Variants in TENM2 observed in about 807,000 individuals in gnomAD.
The protein encoded by TENM2 is teneurin transmembrane protein 2.
A neutral mutation model predicts 245.2 loss-of-function variants in TENM2; 52 were observed. The observed-to-expected ratio is 0.21, with a 90% CI of 0.17 to 0.27. TENM2 has a LOEUF of 0.27. Among genes scored for constraint, TENM2 ranks in the 10% least tolerant of loss-of-function variants. The pLI is 1.00. For synonymous variants in TENM2, 1,363 were observed against 1,438.9 expected, an observed-to-expected ratio of 0.95 and a Z score of 1.19; for missense variants, 3,046 against 3,666.8, an observed-to-expected ratio of 0.83 and a Z score of 4.37.
the TENM2 span, among the ~76,000 whole-genome samples, chr5:167,041,326 A>G: frequency 6.6e-6 from 1 of 152,202 alleles, no homozygotes. Flanking sequence ...AATTTACGCA[A>G]CCAGCACTAA....
At chr5:167,257,609 AG>A in the TENM2 span, among the ~76,000 whole-genome samples, 1,502 of 152,008 alleles carry the variant, frequency 9.9e-3, 20 homozygotes, top group African/African-American at 0.034. Flanking sequence ...AAAAAAAAAA[AG>A]TGGAGAACTT....
At chr5:167,616,075 G>A (rs952919015) in intron 2 of TENM2, among the ~76,000 whole-genome samples, 2 of 152,070 alleles carry the variant, frequency 1.3e-5, no homozygotes, top group African/African-American at 4.8e-5. Context: ...TAATAACACC[G>A]TTGCTGTTTT....
rs150701864 is a variant in TENM2, at chr5:168,206,741, C to G, written c.3824+2120C>G. ...GGAAAGCCTCCTTTTCTCAGGCACC[C>G]TGTGGGCAACAGAGAACCATGGGAG... On this transcript the variant is annotated intron_variant, in intron 19 of 28. Transcript: ENST00000518659. Among the ~76,000 whole-genome samples the G allele has an allele frequency of 3.1e-3, 471 of 152,274 alleles. 4 individuals carry two copies. The highest frequency in any genetic ancestry group is 0.02 in the Middle Eastern group (6 of 294).
In TENM2 at chr5:167,718,773, A is replaced by AT. The variant is rs895539327; in HGVS notation, c.503-157202dup. ...AGTTTGAGTCAATAGTTTGGGTTGG[A>AT]TTTTTTTTTTTCTTTTCTTAAGAAT... On this transcript the variant is annotated intron_variant, in intron 2 of 28. Transcript: ENST00000518659. 1.7e-3 allele frequency among the ~76,000 whole-genome samples: 247 copies of AT among 147,868 alleles called. 1 individual carries two copies. The highest frequency in any genetic ancestry group is 9.5e-3 in the East Asian group (48 of 5,034).
At chr5:167,005,925 G>A in the TENM2 span, among the ~76,000 whole-genome samples, 1 of 152,030 alleles carries the variant, frequency 6.6e-6, no homozygotes, top group African/African-American at 2.4e-5. Context: ...CTCCTATAGT[G>A]CTGGGATTAC....
chr5:167,929,074 AAAGAAAGAAAGAAAGAAAGAAAG>A (rs1778035678), intron 3 of TENM2, among the ~76,000 whole-genome samples: 5 of 64,236 alleles, frequency 7.8e-5, no homozygotes, highest in African/African-American at 4.0e-4. Context: ...AGAAAGAAAG[AAAGAAAGAAAGAAAGAAAGAAAG>A]AAAGAAAGAA....
the TENM2 span, among the ~76,000 whole-genome samples, chr5:167,078,281 C>T: frequency 6.6e-6 from 1 of 151,820 alleles, no homozygotes; most frequent in African/African-American, 2.4e-5. Flanking sequence ...GTTGGGAGTT[C>T]GAGACCAGCC....
intron 25 of TENM2, among the ~76,000 whole-genome samples, chr5:168,235,964 G>A (rs1366148311): frequency 6.6e-6 from 1 of 152,152 alleles, no homozygotes; most frequent in Non-Finnish European, 1.5e-5. Context: ...CATGGAGTTG[G>A]GGGAAAAGCC....
the TENM2 span, among the ~76,000 whole-genome samples, chr5:167,258,209 A>C: frequency 1.4e-5 from 2 of 143,666 alleles, no homozygotes; most frequent in Non-Finnish European, 3.0e-5. Flanking sequence ...ATATATATAT[A>C]TATATGTATA....
intron 12 of TENM2, among the ~76,000 whole-genome samples, chr5:168,143,118 A>G: frequency 6.6e-6 from 1 of 152,286 alleles, no homozygotes; most frequent in East Asian, 1.9e-4. Context: ...CTCACCAAGT[A>G]AATAAAGGGT....
chr5:167,118,775 A>G, the TENM2 span, among the ~76,000 whole-genome samples: 1 of 152,180 alleles, frequency 6.6e-6, no homozygotes. Context: ...TTGCCTAGCA[A>G]GGGTAGTACG....
chr5:167,428,104 T>C (rs1273306785), intron 2 of TENM2, among the ~76,000 whole-genome samples: 1 of 152,236 alleles, frequency 6.6e-6, no homozygotes, highest in East Asian at 1.9e-4. Flanking sequence ...TTTATGCAAG[T>C]CTTTTACTAT....
chr5:167,452,933 A>T lies in TENM2; in HGVS notation c.502+77460A>T, dbSNP rs62388835. ...TACCCTAGAACTTAAAGTATGATTTATATATATATATATATATATATATAT... is the reference window on the plus strand; with the variant it reads ...TACCCTAGAACTTAAAGTATGATTTTTATATATATATATATATATATATAT... On this transcript the variant is annotated intron_variant, in intron 2 of 28. Transcript: ENST00000518659. 8.7e-3 allele frequency among the ~76,000 whole-genome samples: 19 copies of T among 2,184 alleles called. 2 individuals carry two copies. Among genetic ancestry groups the T allele is most frequent in the African/African-American group, 9.1e-3 (16 of 1,762 alleles). 1.4% of individuals were successfully genotyped at this position (2,184 alleles called of 152,430 possible).
chr5:167,361,602 T>C (rs1759723030), intron 1 of TENM2, among the ~76,000 whole-genome samples: 1 of 152,238 alleles, frequency 6.6e-6, no homozygotes, highest in Non-Finnish European at 1.5e-5. Context: ...TTGTCACTTT[T>C]TCAGGAGACT....
chr5:167,911,802 G>A (rs1181132214), intron 3 of TENM2, among the ~76,000 whole-genome samples: 1 of 152,148 alleles, frequency 6.6e-6, no homozygotes, highest in African/African-American at 2.4e-5. Context: ...ACGTACAACT[G>A]GGGATGGTGG....
chr5:168,195,349 G>C, intron 15 of TENM2, 54 bp downstream of exon 17: 1 of 1,548,282 alleles, frequency 6.5e-7, no homozygotes, highest in Non-Finnish European at 8.7e-7. Context: ...GTGTGCAAAG[G>C]GACAGACGGT....
intron 2 of TENM2, among the ~76,000 whole-genome samples, chr5:167,781,090 C>T (rs1764159519): frequency 6.6e-6 from 1 of 152,118 alleles, no homozygotes; most frequent in Non-Finnish European, 1.5e-5. Context: ...GTGGGAGGAT[C>T]ATTTAAGCTC....
At chr5:168,059,239 A>G (rs1003359793) in intron 6 of TENM2, among the ~76,000 whole-genome samples, 1 of 152,170 alleles carries the variant, frequency 6.6e-6, no homozygotes, top group Non-Finnish European at 1.5e-5. Context: ...ATTTCTCCAG[A>G]ACAGCTGCTC....
chr5:168,008,307 C>G (rs1054468507), intron 5 of TENM2, among the ~76,000 whole-genome samples: 4 of 152,146 alleles, frequency 2.6e-5, no homozygotes, highest in Admixed American at 2.0e-4. Flanking sequence ...CTGCTAAGAA[C>G]AGTGAAAAAC....
Sources: gnomAD v4.1 joint callset for allele counts (sites outside exome capture counted in the v4.1 genomes callset) on GRCh38, gnomAD v4.1.1 for gene constraint, MANE v1.5 for transcripts, NCBI Gene and HGNC (gene_info 2026-07-23, HGNC 2026-07-21) for gene names.